The following C4orf50 variants were observed in gnomAD, a reference collection of about 807,000 sequenced individuals.
The protein encoded by C4orf50 is uncharacterized protein C4orf50.
In C4orf50, 80 loss-of-function variants were observed where a neutral mutation model predicts 77.2. That is an observed-to-expected ratio of 1.04 (90% CI 0.87 to 1.25). The LOEUF (loss-of-function observed/expected upper bound fraction) is 1.25, where lower values mean the gene tolerates loss of function less well. C4orf50 is among the 50% of genes most tolerant of loss of function. The probability of loss-of-function intolerance (pLI) is 0.00; values close to 1 mark genes in which losing one functional copy is unlikely to be tolerated. For synonymous variants in C4orf50, 532 were observed against 465.3 expected (o/e 1.14, Z -1.84); for missense variants, 1,257 against 1,152.9 (o/e 1.09, Z -1.31).
chr4:5,972,737 G>A (rs951139521), intron 31 of C4orf50, among the ~76,000 whole-genome samples: 1 of 152,234 alleles, frequency 6.6e-6, no homozygotes, highest in Non-Finnish European at 1.5e-5. Flanking sequence ...AAACAGCCCC[G>A]GCTGTGTTTA....
At chr4:5,977,042 A>ACCGTG (rs954123085) in intron 29 of C4orf50, among the ~76,000 whole-genome samples, 1 of 152,068 alleles carries the variant, frequency 6.6e-6, no homozygotes, top group African/African-American at 2.4e-5. Context: ...CTCTGGGGAG[A>ACCGTG]CCGTGAGACA....
rs1165469221 is a variant in C4orf50 at position 5,970,457 on chromosome 4, G to A, written c.4105-2995C>T. 1.3e-5 allele frequency among the ~76,000 whole-genome samples: 2 copies of A among 152,166 alleles called. No individual in the cohort carries two copies. Among genetic ancestry groups the A allele is most frequent in the East Asian group, 3.9e-4 (2 of 5,162 alleles). On this transcript the variant is annotated intron_variant, in intron 31 of 33. Coordinates refer to ENST00000531445, the Ensembl canonical transcript of C4orf50. The surrounding 1 kb of genome is among the most constrained non-coding windows in gnomAD (Gnocchi z 4.3). ...ACCTGAGCTGGACAGAATCAGCAGA[G>A]TAGGAGGAGGGAAGCCAGGGCGGAT...
chr4:5,967,949 A>G (rs1719681542), intron 31 of C4orf50, among the ~76,000 whole-genome samples: 1 of 152,186 alleles, frequency 6.6e-6, no homozygotes, highest in South Asian at 2.1e-4. Flanking sequence ...TGATCACTCA[A>G]CTGGTTGGCC....
In C4orf50 at chr4:6,000,221, T is replaced by G. The variant is rs964276153; in HGVS notation, c.964-5745A>C. 6.6e-6 allele frequency among the ~76,000 whole-genome samples: 1 copy of G among 152,140 alleles called. No homozygotes were observed. The highest frequency in any genetic ancestry group is 2.4e-5 in the African/African-American group (1 of 41,448). ...ACACAGCATGCGATGCTCTCTGGAC[T>G]CTGCGACTTCACAGATGTGCAGAGG... On this transcript the variant is annotated intron_variant, in intron 25 of 33. Coordinates refer to ENST00000531445, the Ensembl canonical transcript of C4orf50. The surrounding 1 kb of genome is among the most constrained non-coding windows in gnomAD (Gnocchi z 6.0).
In C4orf50 at chr4:5,992,781, C is replaced by G; in HGVS notation, c.1221+22G>C. On this transcript the variant is annotated intron_variant, in intron 27 of 33. Coordinates refer to ENST00000531445, the Ensembl canonical transcript of C4orf50. This position sits in a 1 kb window ranked among gnomAD's most constrained non-coding sequence, Gnocchi z 5.0. ...GGGAACCAGTGGCACTGCACACACACGCAGAAAGCCTCTGGCCTCACCTGT... is the reference window on the plus strand; with the variant it reads ...GGGAACCAGTGGCACTGCACACACAGGCAGAAAGCCTCTGGCCTCACCTGT... The G allele has an allele frequency of 2.5e-6, 1 of 399,168 alleles. No individual in the cohort carries two copies. Among genetic ancestry groups the G allele is most frequent in the Non-Finnish European group, 4.4e-6 (1 of 226,132 alleles). 24.7% of individuals were successfully genotyped at this position (399,168 alleles called of 1,614,324 possible).
At position 5,941,963 on chromosome 4, in the gene C4orf50, C is replaced by T. The variant is rs550761365; in HGVS notation, c.*2474+14938G>A. On this transcript the variant is annotated intron_variant, in intron 7 of 7. Coordinates refer to the C4orf50 transcript ENST00000324058. ...TGGGTTTTGGTTTCAGTCCCAAAAG[C>T]GCCTCCAATTATCAATGTTTATTTT... Among the ~76,000 whole-genome samples, 17 of 152,252 alleles carry T rather than the reference C, an allele frequency of 1.1e-4. No homozygotes were observed. The South Asian group carries it at 3.1e-3, about 28-fold the overall frequency.
At chr4:5,937,074 C>A (rs1026334867) in intron 7 of C4orf50, among the ~76,000 whole-genome samples, 6 of 151,558 alleles carry the variant, frequency 4.0e-5, no homozygotes, top group Non-Finnish European at 5.9e-5. Flanking sequence ...GAGGTTTTTA[C>A]TGCTAAATGC....
At chr4:5,930,318 T>C (rs1219500114) in intron 7 of C4orf50, among the ~76,000 whole-genome samples, 1 of 152,222 alleles carries the variant, frequency 6.6e-6, no homozygotes, top group Non-Finnish European at 1.5e-5. Context: ...ACTGTCTTTA[T>C]GTGTCAGGTG....
At chr4:5,973,789 G>A in exon 31 of C4orf50, 1 of 1,613,730 alleles carries the variant, frequency 6.2e-7, no homozygotes. Context: ...CAGCAGGTGG[G>A]TGATCAGGCG....
chr4:5,978,760 A>T (rs1720414906), intron 29 of C4orf50, among the ~76,000 whole-genome samples: 1 of 152,218 alleles, frequency 6.6e-6, no homozygotes, highest in Non-Finnish European at 1.5e-5. Context: ...GTTATATATA[A>T]ACAGTTATGT....
intron 29 of C4orf50, among the ~76,000 whole-genome samples, chr4:5,976,554 C>T (rs1330808324): frequency 6.6e-6 from 1 of 151,612 alleles, no homozygotes; most frequent in African/African-American, 2.4e-5. Context: ...GGCAGCCTGG[C>T]AGTTTTCTGG....
At chr4:5,980,261 G>A (rs758819419) in exon 29 of C4orf50, 1 of 1,612,616 alleles carries the variant, frequency 6.2e-7, no homozygotes, top group East Asian at 2.2e-5. Flanking sequence ...GGCACTGCAG[G>A]GTCAGCACCC....
chr4:5,982,970 A>C (rs1720674740), intron 28 of C4orf50, among the ~76,000 whole-genome samples: 2 of 152,186 alleles, frequency 1.3e-5, no homozygotes, highest in African/African-American at 2.4e-5. Context: ...GGGCCAGAGC[A>C]CTGCTCACTG....
chr4:5,988,180 G>C (rs1193149375), intron 28 of C4orf50, among the ~76,000 whole-genome samples, 167 bp downstream of exon 6: 1 of 152,214 alleles, frequency 6.6e-6, no homozygotes, highest in Non-Finnish European at 1.5e-5. Context: ...TGTGACTGCA[G>C]TGACTGCATT....
intron 33 of C4orf50, among the ~76,000 whole-genome samples, chr4:5,960,734 C>T (rs1376638962): frequency 6.6e-6 from 1 of 152,202 alleles, no homozygotes; most frequent in Non-Finnish European, 1.5e-5. Flanking sequence ...CTGGGAAGGC[C>T]TCATGGAGGC....
At chr4:5,997,275 G>A (rs188384059) in intron 25 of C4orf50, among the ~76,000 whole-genome samples, 103 of 152,300 alleles carry the variant, frequency 6.8e-4, no homozygotes, top group Non-Finnish European at 1.3e-3. Context: ...AAAAATGCTC[G>A]CTGAGCATCT....
chr4:6,003,152 C>T (rs999016497), intron 25 of C4orf50, among the ~76,000 whole-genome samples: 2 of 152,186 alleles, frequency 1.3e-5, no homozygotes, highest in African/African-American at 4.8e-5. Context: ...CTGAGTCTCC[C>T]CAGCCCATCC....
intron 29 of C4orf50, among the ~76,000 whole-genome samples, chr4:5,976,457 G>GA (rs138450804): frequency 0.1 from 9,534 of 92,920 alleles, 504 homozygotes; most frequent in East Asian, 0.21. Flanking sequence ...CTCTGTCTCG[G>GA]AAAAAAAAAA....
chr4:5,980,015 G>GTT (rs796334455), intron 29 of C4orf50, among the ~76,000 whole-genome samples, 159 bp downstream of exon 7: 2 of 149,344 alleles, frequency 1.3e-5, no homozygotes, highest in African/African-American at 4.9e-5. Context: ...GTTTTTTGTT[G>GTT]TTTTTTTTTT....
Sources: gnomAD v4.1 joint callset for allele counts (sites outside exome capture counted in the v4.1 genomes callset) on GRCh38, gnomAD v4.1.1 for gene constraint, Gnocchi (gnomAD v3.1) non-coding constraint, MANE v1.5 for transcripts, NCBI Gene and HGNC (gene_info 2026-07-23, HGNC 2026-07-21) for gene names.